The following SLC41A3 variants were observed in gnomAD, a reference collection of about 807,000 sequenced individuals.
SLC41A3 encodes SLC41A1-like 2.
A neutral mutation model predicts 45.4 loss-of-function variants in SLC41A3; 44 were observed. That is an observed-to-expected ratio of 0.97 (90% CI 0.76 to 1.25). The LOEUF (loss-of-function observed/expected upper bound fraction) is 1.25. Ranked by LOEUF, SLC41A3 falls within the 50% of genes most tolerant of loss-of-function variation. The pLI is 0.00. For synonymous variants in SLC41A3, 256 were observed against 252.4 expected, an observed-to-expected ratio of 1.01 and a Z score of -0.13; for missense variants, 550 against 600.6, an observed-to-expected ratio of 0.92 and a Z score of 0.88.
chr3:126,098,845 T>C (rs1638857169), intron 1 of SLC41A3, among the ~76,000 whole-genome samples: 1 of 151,280 alleles, frequency 6.6e-6, no homozygotes, highest in African/African-American at 2.4e-5. Context: ...GGTGGCCCTC[T>C]GGGAACAGGC....
intron 2 of SLC41A3, among the ~76,000 whole-genome samples, chr3:126,062,828 A>T (rs574279959): frequency 2.6e-5 from 4 of 152,336 alleles, no homozygotes; most frequent in Admixed American, 2.6e-4. Context: ...CTGCAAAGCA[A>T]GCCAACTCAA....
At chr3:126,050,470 C>T (rs1653467536) in intron 3 of SLC41A3, among the ~76,000 whole-genome samples, 1 of 152,296 alleles carries the variant, frequency 6.6e-6, no homozygotes, top group East Asian at 1.9e-4. Flanking sequence ...AGAGAAGACA[C>T]CTCCAGTGAT....
chr3:126,013,083 G>T (rs761051203), intron 8 of SLC41A3, among the ~76,000 whole-genome samples: 7 of 152,216 alleles, frequency 4.6e-5, no homozygotes, highest in Non-Finnish European at 8.8e-5. Flanking sequence ...AAGTAAGGAT[G>T]AGGGGAGAGT....
chr3:126,036,110 C>G (rs1942169495), intron 3 of SLC41A3, among the ~76,000 whole-genome samples: 1 of 152,206 alleles, frequency 6.6e-6, no homozygotes, highest in African/African-American at 2.4e-5. Flanking sequence ...CTGACAATTC[C>G]AGGCTTCTAC....
At chr3:126,051,895 T>C (rs1943360948) in intron 2 of SLC41A3, among the ~76,000 whole-genome samples, 1 of 152,124 alleles carries the variant, frequency 6.6e-6, no homozygotes, top group Non-Finnish European at 1.5e-5. Flanking sequence ...CTAGGCCCTG[T>C]CCATCCCCTA....
In SLC41A3 at chr3:126,096,181, T is replaced by C. The variant is rs1185757310; in HGVS notation, c.-79+5248A>G. On this transcript the variant is annotated intron_variant, in intron 1 of 9. Coordinates refer to the SLC41A3 transcript ENST00000508835. Reference sequence around the variant, plus strand: ...AAGGAGCTGCAGACAGATTAGCAGCTAGTAACCCATTAAAATGGATAAAAA... The same window carrying C: ...AAGGAGCTGCAGACAGATTAGCAGCCAGTAACCCATTAAAATGGATAAAAA... 2.0e-5 allele frequency among the ~76,000 whole-genome samples: 3 copies of C among 152,330 alleles called. No homozygotes were observed. The East Asian group carries it at 5.8e-4, about 29-fold the overall frequency.
intron 3 of SLC41A3, among the ~76,000 whole-genome samples, chr3:126,034,783 C>G (rs1264736213): frequency 6.6e-6 from 1 of 152,262 alleles, no homozygotes; most frequent in East Asian, 1.9e-4. Context: ...CAGCTCCAAC[C>G]TGGGTGCTGA....
At chr3:126,046,974 A>G (rs1384715131) in intron 3 of SLC41A3, among the ~76,000 whole-genome samples, 1 of 151,590 alleles carries the variant, frequency 6.6e-6, no homozygotes, top group African/African-American at 2.4e-5. Context: ...AAAAAAAAAA[A>G]AAAGAAAAGA....
At chr3:126,095,287 C>T (rs1945574144) in intron 1 of SLC41A3, 1 of 672,980 alleles carries the variant, frequency 1.5e-6, no homozygotes, top group Non-Finnish European at 2.7e-6. Context: ...CCAAGGACCC[C>T]CTGTTGCAGC....
At position 126,008,624 on chromosome 3, in the gene SLC41A3, C is replaced by T. The variant is rs978491257; in HGVS notation, c.1254+108G>A. 2.1e-5 allele frequency: 31 copies of T among 1,497,792 alleles called. 2 individuals are homozygous for T. Among genetic ancestry groups the T allele is most frequent in the African/African-American group, 2.1e-4 (15 of 72,676 alleles). The allele number at this position is 1,497,792 out of a possible 1,614,324, so 92.8% of individuals were successfully genotyped here. ...TGGAAGATAAGGACTGTGCCCCACA[C>T]GTCCAGCCACCCCCACCCGCCTCCC... On this transcript the variant is annotated intron_variant, in intron 10 of 10. Coordinates refer to ENST00000360370, the MANE Select transcript of SLC41A3 (RefSeq NM_017836.4).
In SLC41A3 at chr3:126,006,549, C is replaced by G. The variant is rs748389571; in HGVS notation, c.*467G>C. On this transcript the variant is annotated 3_prime_UTR_variant, in exon 11 of 11. Transcript: ENST00000360370. ...CCTTCTTGGCACAGCAGCAGTGTGG[C>G]CCACGGAGCTTGAACCTGGTGAAGA... 1 of 1,603,532 alleles carries G rather than the reference C, an allele frequency of 6.2e-7. No individual in the cohort carries two copies. Among genetic ancestry groups the G allele is most frequent in the Non-Finnish European group, 8.5e-7 (1 of 1,177,678 alleles).
At chr3:126,059,278 G>GA (rs1353606144) in intron 2 of SLC41A3, among the ~76,000 whole-genome samples, 4 of 140,508 alleles carry the variant, frequency 2.8e-5, no homozygotes, top group Non-Finnish European at 4.7e-5. Context: ...AAGAAAGAAA[G>GA]AAAGAAAGAA....
intron 4 of SLC41A3, among the ~76,000 whole-genome samples, chr3:126,027,762 G>A (rs1941480677): frequency 6.6e-6 from 1 of 152,210 alleles, no homozygotes; most frequent in Non-Finnish European, 1.5e-5. Flanking sequence ...TTTGGACAGT[G>A]AAGGCCAGGC....
chr3:126,039,712 A>T (rs996370799), intron 3 of SLC41A3, among the ~76,000 whole-genome samples: 1 of 152,272 alleles, frequency 6.6e-6, no homozygotes, highest in Non-Finnish European at 1.5e-5. Context: ...ATTTGAGGAC[A>T]TACGTTAAAA....
At chr3:126,071,406 T>C (rs1236396499) in intron 1 of SLC41A3, among the ~76,000 whole-genome samples, 1 of 152,044 alleles carries the variant, frequency 6.6e-6, no homozygotes, top group Non-Finnish European at 1.5e-5. Context: ...CCCAAATACA[T>C]AAAAGTGGCA....
intron 1 of SLC41A3, among the ~76,000 whole-genome samples, chr3:126,069,820 G>A (rs1159605042): frequency 6.6e-6 from 1 of 152,018 alleles, no homozygotes; most frequent in African/African-American, 2.4e-5. Context: ...GAGTTCTAAA[G>A]TACAAGAGCT....
At chr3:126,028,848 T>C (rs1941577124) in intron 4 of SLC41A3, among the ~76,000 whole-genome samples, 1 of 152,140 alleles carries the variant, frequency 6.6e-6, no homozygotes, top group African/African-American at 2.4e-5. Context: ...AGACATGGAG[T>C]TAAAGGAGAT....
At chr3:126,022,955 C>G in intron 5 of SLC41A3, 23 bp from the exon 6 acceptor site, 1 of 1,613,188 alleles carries the variant, frequency 6.2e-7, no homozygotes, top group Non-Finnish European at 8.5e-7. Flanking sequence ...AGAGGAGAAA[C>G]AGCAGACTCA....
intron 1 of SLC41A3, among the ~76,000 whole-genome samples, chr3:126,094,366 C>T (rs1439220997): frequency 6.6e-6 from 1 of 152,098 alleles, no homozygotes; most frequent in East Asian, 1.9e-4. Context: ...ACAATGGCCA[C>T]TAAGTAAAGA....
Sources: gnomAD v4.1 joint callset for allele counts (sites outside exome capture counted in the v4.1 genomes callset) on GRCh38, gnomAD v4.1.1 for gene constraint, MANE v1.5 for transcripts, NCBI Gene and HGNC (gene_info 2026-07-23, HGNC 2026-07-21) for gene names.